The following STAG1 variants were observed in gnomAD, a reference collection of about 807,000 sequenced individuals.
STAG1 encodes the protein STAG1 cohesin complex component.
Under a neutral mutation model 170.9 loss-of-function variants are expected in STAG1, and 26 were observed. The observed-to-expected ratio is 0.15, with a 90% CI of 0.11 to 0.21. The LOEUF (loss-of-function observed/expected upper bound fraction) is 0.21, where lower values mean the gene tolerates loss of function less well. Ranked by LOEUF, STAG1 falls within the 10% of genes least tolerant of loss-of-function variation. The pLI, the probability that STAG1 is intolerant of heterozygous loss-of-function variation, is 1.00. For synonymous variants in STAG1, 514 were observed against 497.7 expected (o/e 1.03, Z -0.44); for missense variants, 964 against 1,509.5 (o/e 0.64, Z 5.99).
chr3:136,456,433 G>A (rs1341026589), intron 13 of STAG1, among the ~76,000 whole-genome samples: 1 of 152,150 alleles, frequency 6.6e-6, no homozygotes, highest in Non-Finnish European at 1.5e-5. Context: ...TAGTAAGCCT[G>A]AAGGCAGAAC....
In STAG1 at chr3:136,691,025, T is replaced by C. The variant is rs145813104; in HGVS notation, c.-83-60044A>G. 6.5e-3 allele frequency among the ~76,000 whole-genome samples: 986 copies of C among 151,782 alleles called. 10 individuals are homozygous for C. The highest frequency in any genetic ancestry group is 0.023 in the African/African-American group (956 of 41,336). On this transcript the variant is annotated intron_variant, in intron 1 of 33. Coordinates refer to ENST00000383202, the MANE Select transcript of STAG1 (RefSeq NM_005862.3). ...AAAAAGAAAGACAGTTGGCTGGGCATGGTGGCTCAAGCCTGCAATCCCAAC... is the reference window on the plus strand; with the variant it reads ...AAAAAGAAAGACAGTTGGCTGGGCACGGTGGCTCAAGCCTGCAATCCCAAC...
intron 8 of STAG1, among the ~76,000 whole-genome samples, chr3:136,502,396 C>T (rs1260561467): frequency 6.6e-6 from 1 of 152,130 alleles, no homozygotes; most frequent in Non-Finnish European, 1.5e-5. Flanking sequence ...AGTTGCCTAA[C>T]TCCCAGACCA....
chr3:136,353,063 T>C (rs76321504), intron 28 of STAG1, among the ~76,000 whole-genome samples: 2,800 of 152,252 alleles, frequency 0.018, 79 homozygotes, highest in African/African-American at 0.062. Context: ...GTTGAAAGTA[T>C]AATCAAAATT....
At chr3:136,548,304 G>C (rs1936246117) in intron 5 of STAG1, among the ~76,000 whole-genome samples, 1 of 151,990 alleles carries the variant, frequency 6.6e-6, no homozygotes, top group Non-Finnish European at 1.5e-5. Flanking sequence ...AGTAGAGATA[G>C]GGTTTTGCCA....
intron 24 of STAG1, among the ~76,000 whole-genome samples, chr3:136,367,866 C>T (rs1183631720): frequency 6.6e-6 from 1 of 152,154 alleles, no homozygotes; most frequent in Non-Finnish European, 1.5e-5. Context: ...CCAGACCCCA[C>T]TGGGGTTTCT....
chr3:136,489,373 T>C (rs1191835505), intron 9 of STAG1, among the ~76,000 whole-genome samples: 1 of 152,216 alleles, frequency 6.6e-6, no homozygotes, highest in African/African-American at 2.4e-5. Flanking sequence ...CTCCAGTGAA[T>C]TTTAATTAAA....
At chr3:136,729,833 C>T (rs1415124743) in intron 1 of STAG1, among the ~76,000 whole-genome samples, 2 of 150,520 alleles carry the variant, frequency 1.3e-5, no homozygotes, top group African/African-American at 2.4e-5. Context: ...CCCACCTCGC[C>T]CTCTCAAAGT....
chr3:136,649,761 A>T (rs1348870450), intron 1 of STAG1, among the ~76,000 whole-genome samples: 1 of 151,572 alleles, frequency 6.6e-6, no homozygotes, highest in Non-Finnish European at 1.5e-5. Flanking sequence ...GTAGCAAAAA[A>T]AAAAAAGATT....
chr3:136,573,807 T>C (rs2107768577), intron 4 of STAG1, among the ~76,000 whole-genome samples: 2 of 151,272 alleles, frequency 1.3e-5, no homozygotes, highest in Admixed American at 6.6e-5. Context: ...CCCATCTCTA[T>C]TAAAATACAA....
chr3:136,487,613 T>A (rs1361878277), intron 9 of STAG1, among the ~76,000 whole-genome samples: 2 of 152,214 alleles, frequency 1.3e-5, no homozygotes, highest in Non-Finnish European at 2.9e-5. Context: ...AGTGCTCCAA[T>A]CCACTTTGAC....
At chr3:136,386,149 A>G (rs1366668945) in intron 22 of STAG1, among the ~76,000 whole-genome samples, 1 of 152,150 alleles carries the variant, frequency 6.6e-6, no homozygotes, top group East Asian at 1.9e-4. Flanking sequence ...CAGCCTGGAC[A>G]ATATGGTGAA....
intron 4 of STAG1, among the ~76,000 whole-genome samples, chr3:136,603,916 G>C (rs1198658137): frequency 6.6e-6 from 1 of 151,756 alleles, no homozygotes; most frequent in Non-Finnish European, 1.5e-5. Flanking sequence ...AAGAAAGAAA[G>C]TTACAAATGA....
intron 1 of STAG1, among the ~76,000 whole-genome samples, chr3:136,729,877 C>CTTTT (rs36212432): frequency 1.2e-4 from 7 of 58,548 alleles, no homozygotes; most frequent in Non-Finnish European, 1.5e-4. Context: ...CCACGCCAGG[C>CTTTT]TTTTTTTTTT....
At chr3:136,466,016 T>A (rs2089447246) in intron 12 of STAG1, among the ~76,000 whole-genome samples, 1 of 152,042 alleles carries the variant, frequency 6.6e-6, no homozygotes, top group Middle Eastern at 3.2e-3. Context: ...GTCACCATCA[T>A]CAAAGACCAA....
At chr3:136,568,931 A>C in intron 4 of STAG1, 70 bp from the exon 5 acceptor site, 1 of 1,160,852 alleles carries the variant, frequency 8.6e-7, no homozygotes, top group South Asian at 1.4e-5. Context: ...ATTTTCAAAA[A>C]AGTTTGTGTG....
At chr3:136,493,883 G>T (rs2107849598) in intron 9 of STAG1, among the ~76,000 whole-genome samples, 1 of 152,172 alleles carries the variant, frequency 6.6e-6, no homozygotes, top group South Asian at 2.1e-4. Context: ...AAAATATTAT[G>T]AATAACATTA....
At chr3:136,390,214 A>T (rs2086972446) in intron 22 of STAG1, among the ~76,000 whole-genome samples, 2 of 152,160 alleles carry the variant, frequency 1.3e-5, no homozygotes, top group Admixed American at 1.3e-4. Flanking sequence ...CTGCAAACAC[A>T]ACATGGTACT....
intron 9 of STAG1, among the ~76,000 whole-genome samples, chr3:136,478,820 T>C (rs2089833832): frequency 6.6e-6 from 1 of 152,138 alleles, no homozygotes; most frequent in Admixed American, 6.5e-5. Flanking sequence ...ACATAGTGGC[T>C]AAAAGTACAG....
chr3:136,453,486 G>A (rs2089009250), intron 13 of STAG1, among the ~76,000 whole-genome samples: 1 of 151,554 alleles, frequency 6.6e-6, no homozygotes, highest in African/African-American at 2.4e-5. Context: ...ACCTACTCGG[G>A]AGGCTGAGGC....
Sources: gnomAD v4.1 joint callset for allele counts (sites outside exome capture counted in the v4.1 genomes callset) on GRCh38, gnomAD v4.1.1 for gene constraint, MANE v1.5 for transcripts, NCBI Gene and HGNC (gene_info 2026-07-23, HGNC 2026-07-21) for gene names.